Variants in VWA8 observed in about 807,000 individuals in gnomAD.
VWA8 encodes the protein von Willebrand factor A domain containing 8, also known as von Willebrand factor A domain-containing protein 8.
VWA8 carries 221 observed loss-of-function variants against 241.5 expected under a neutral mutation model. That is an observed-to-expected ratio of 0.91 (90% CI 0.82 to 1.02). The LOEUF (loss-of-function observed/expected upper bound fraction) is 1.02, where lower values mean the gene tolerates loss of function less well. Among genes scored for constraint, VWA8 ranks in the 50% least tolerant of loss-of-function variants. The pLI, the probability that VWA8 is intolerant of heterozygous loss-of-function variation, is 0.00. For synonymous variants in VWA8, 852 were observed against 827.1 expected, an observed-to-expected ratio of 1.03 and a Z score of -0.52; for missense variants, 2,322 against 2,328.7, an observed-to-expected ratio of 1.00 and a Z score of 0.06.
In VWA8 at chr13:41,887,268, AAT is replaced by A; in HGVS notation, c.743_744del (p.Tyr248PhefsTer28). ...VIALGLPVPR[Y>X]SGNPLDPPLR... Reference sequence around the variant, plus strand: ...AGAGGGGGGTCTAATGGATTCCCAGAATACCTTGGCACTGGCAAGCCCAAGGC... The same window carrying A: ...AGAGGGGGGTCTAATGGATTCCCAGAACCTTGGCACTGGCAAGCCCAAGGC... On this transcript the variant is annotated frameshift_variant, in exon 6 of 45. Transcript: ENST00000379310. LOFTEE classifies it high-confidence loss of function. 1.2e-6 allele frequency: 2 copies of A among 1,613,920 alleles called. No homozygotes were observed. The highest frequency in any genetic ancestry group is 4.5e-5 in the East Asian group (2 of 44,848).
intron 20 of VWA8, among the ~76,000 whole-genome samples, chr13:41,766,238 C>A (rs1165817294): frequency 1.3e-5 from 2 of 152,034 alleles, no homozygotes; most frequent in Admixed American, 1.3e-4. Flanking sequence ...AAATTCTTTA[C>A]AGCAAAAGGA....
intron 17 of VWA8, among the ~76,000 whole-genome samples, chr13:41,809,966 A>C (rs1056829444): frequency 6.6e-6 from 1 of 152,210 alleles, no homozygotes; most frequent in Non-Finnish European, 1.5e-5. Flanking sequence ...TCAAAAGAAG[A>C]GATACAAATG....
At chr13:41,677,259 T>G (rs2137804683) in intron 35 of VWA8, among the ~76,000 whole-genome samples, 1 of 152,340 alleles carries the variant, frequency 6.6e-6, no homozygotes, top group Admixed American at 6.5e-5. Flanking sequence ...TATACTCATG[T>G]GATGTCATTA....
intron 10 of VWA8, among the ~76,000 whole-genome samples, chr13:41,866,349 A>G (rs185656657): frequency 7.1e-6 from 1 of 139,986 alleles, no homozygotes; most frequent in Admixed American, 7.0e-5. Context: ...ACTCTGTCCC[A>G]AAAAAAAAAA....
intron 4 of VWA8, among the ~76,000 whole-genome samples, chr13:41,906,378 T>A (rs115354821): frequency 6.6e-6 from 1 of 152,172 alleles, no homozygotes; most frequent in African/African-American, 2.4e-5. Flanking sequence ...TCCTTGTGCA[T>A]CCTTCTGGAA....
intron 9 of VWA8, among the ~76,000 whole-genome samples, chr13:41,871,480 A>C (rs1237668317): frequency 6.6e-6 from 1 of 152,058 alleles, no homozygotes; most frequent in Non-Finnish European, 1.5e-5. Flanking sequence ...AACAGTCCCC[A>C]GAGTGTGATG....
intron 2 of VWA8, among the ~76,000 whole-genome samples, chr13:41,920,331 G>A (rs1389585279): frequency 6.6e-6 from 1 of 152,058 alleles, no homozygotes; most frequent in Non-Finnish European, 1.5e-5. Flanking sequence ...CATGGTCAGA[G>A]CCACAGCTAT....
chr13:41,886,175 T>C (rs1389283843), intron 7 of VWA8, 147 bp from the exon 8 acceptor site: 2 of 607,164 alleles, frequency 3.3e-6, no homozygotes, highest in African/African-American at 1.9e-5. Flanking sequence ...CATCATAATA[T>C]CCTACTTAAA....
At chr13:41,768,695 A>G (rs7992805) in intron 20 of VWA8, among the ~76,000 whole-genome samples, 2,128 of 152,308 alleles carry the variant, frequency 0.014, 14 homozygotes, top group East Asian at 0.02. Context: ...TACTTTTATA[A>G]TATTTCCTCA....
intron 21 of VWA8, among the ~76,000 whole-genome samples, chr13:41,737,074 C>G (rs2045531428): frequency 2.0e-5 from 3 of 152,064 alleles, no homozygotes; most frequent in Non-Finnish European, 4.4e-5. Flanking sequence ...AGGTGATCCA[C>G]CCACCTCAGC....
chr13:41,844,071 T>C (rs73185313), intron 12 of VWA8, among the ~76,000 whole-genome samples: 1,889 of 152,256 alleles, frequency 0.012, 13 homozygotes, highest in East Asian at 0.021. Context: ...TTGAGGAACA[T>C]GGACACAAAA....
At chr13:41,655,221 C>A (rs2044895649) in intron 37 of VWA8, among the ~76,000 whole-genome samples, 1 of 151,918 alleles carries the variant, frequency 6.6e-6, no homozygotes, top group Non-Finnish European at 1.5e-5. Context: ...TCTCTAGTAG[C>A]TGGGATTACA....
At chr13:41,575,082 T>C (rs895662074) in intron 43 of VWA8, among the ~76,000 whole-genome samples, 13 of 152,090 alleles carry the variant, frequency 8.5e-5, no homozygotes, top group African/African-American at 2.9e-4. Context: ...TACTCAGCCA[T>C]AAAACTGAAT....
chr13:41,650,272 A>G (rs185622974), intron 37 of VWA8, among the ~76,000 whole-genome samples: 1 of 152,310 alleles, frequency 6.6e-6, no homozygotes, highest in Admixed American at 6.5e-5. Context: ...GGTAGCTGCT[A>G]TAGTCAGTTC....
chr13:41,818,343 G>T (rs1284242103), intron 15 of VWA8, among the ~76,000 whole-genome samples: 1 of 151,236 alleles, frequency 6.6e-6, no homozygotes, highest in Non-Finnish European at 1.5e-5. Context: ...GGCCAAGGGG[G>T]GGTGGATCAA....
chr13:41,915,458 C>T (rs1450732148), intron 2 of VWA8, among the ~76,000 whole-genome samples: 1 of 152,208 alleles, frequency 6.6e-6, no homozygotes, highest in East Asian at 1.9e-4. Context: ...TAATTTGGTA[C>T]ACCACTGATA....
At chr13:41,763,446 A>G (rs912521398) in intron 20 of VWA8, among the ~76,000 whole-genome samples, 3 of 152,178 alleles carry the variant, frequency 2.0e-5, no homozygotes, top group Non-Finnish European at 2.9e-5. Flanking sequence ...CTTAAGTTAG[A>G]ACAATGGATC....
At chr13:41,681,589 T>A (rs1762420880) in intron 35 of VWA8, among the ~76,000 whole-genome samples, 1 of 152,220 alleles carries the variant, frequency 6.6e-6, no homozygotes, top group Admixed American at 6.5e-5. Flanking sequence ...GTGAAGGAGA[T>A]GAGAACACAG....
intron 39 of VWA8, among the ~76,000 whole-genome samples, chr13:41,610,805 G>C (rs2044582696): frequency 2.0e-5 from 3 of 152,178 alleles, no homozygotes; most frequent in Admixed American, 2.0e-4. Context: ...AAGCACACAT[G>C]TGGATGTCTA....
Sources: allele counts gnomAD v4.1 joint callset (sites outside exome capture counted in the v4.1 genomes callset), GRCh38; gene constraint gnomAD v4.1.1; transcripts MANE v1.5; gene names NCBI Gene and HGNC (gene_info 2026-07-23, HGNC 2026-07-21).